Variants in CADM2 observed in about 807,000 individuals in gnomAD.
CADM2 encodes the protein immunoglobulin superfamily member 4D.
CADM2 carries 12 observed loss-of-function variants against 49.8 expected under a neutral mutation model. That is an observed-to-expected ratio of 0.24 (90% CI 0.15 to 0.39). The LOEUF (loss-of-function observed/expected upper bound fraction) is 0.39. Among genes scored for constraint, CADM2 ranks in the 10% least tolerant of loss-of-function variants. CADM2 has a pLI of 1.00. For missense variants in CADM2, 378 were observed against 492.3 expected, an observed-to-expected ratio of 0.77 and a Z score of 2.20; for synonymous variants, 214 against 175.4, an observed-to-expected ratio of 1.22 and a Z score of -1.74.
intron 1 of CADM2, among the ~76,000 whole-genome samples, chr3:85,623,449 A>G (rs912876189): frequency 3.3e-5 from 5 of 152,156 alleles, no homozygotes; most frequent in Non-Finnish European, 7.4e-5. Flanking sequence ...CAGCAGCAAT[A>G]CTAGTTAGTT....
At chr3:84,988,869 T>C (rs545142775) in intron 1 of CADM2, among the ~76,000 whole-genome samples, 1 of 152,284 alleles carries the variant, frequency 6.6e-6, no homozygotes, top group East Asian at 1.9e-4. Flanking sequence ...AATCTCTCCT[T>C]TTACTCTGCC....
At chr3:85,446,149 T>C (rs1471579481) in intron 1 of CADM2, among the ~76,000 whole-genome samples, 1 of 152,160 alleles carries the variant, frequency 6.6e-6, no homozygotes, top group Non-Finnish European at 1.5e-5. Flanking sequence ...TATTAGCTTC[T>C]TCCTTCTCTT....
At chr3:85,920,515 T>G (rs762872977) in intron 6 of CADM2, among the ~76,000 whole-genome samples, 29 of 151,824 alleles carry the variant, frequency 1.9e-4, no homozygotes, top group Admixed American at 6.6e-5. Context: ...TTTCATTATG[T>G]CAATAAAGAT....
At chr3:85,998,451 G>C (rs1210191630) in intron 8 of CADM2, among the ~76,000 whole-genome samples, 1 of 151,982 alleles carries the variant, frequency 6.6e-6, no homozygotes, top group African/African-American at 2.4e-5. Flanking sequence ...GATATGCAAA[G>C]AAAAAGGAGA....
intron 1 of CADM2, among the ~76,000 whole-genome samples, chr3:85,205,550 A>G (rs1168138267): frequency 1.3e-5 from 2 of 152,150 alleles, no homozygotes; most frequent in African/African-American, 2.4e-5. Context: ...AATAAGAGAC[A>G]CTAAAATCAA....
intron 8 of CADM2, chr3:85,994,056 T>A (rs1192917907): frequency 1.3e-5 from 2 of 152,244 alleles, no homozygotes; most frequent in African/African-American, 2.4e-5. Flanking sequence ...GGCACTGGCT[T>A]CTATTCTCTA....
chr3:85,707,393 C>CTTTTT (rs34006416), intron 1 of CADM2, among the ~76,000 whole-genome samples: 2 of 128,662 alleles, frequency 1.6e-5, no homozygotes, highest in African/African-American at 5.8e-5. Context: ...ATCATTGTAT[C>CTTTTT]TTTTTTTTTT....
chr3:85,576,982 A>T (rs1219487477), intron 1 of CADM2, among the ~76,000 whole-genome samples: 4 of 152,144 alleles, frequency 2.6e-5, no homozygotes, highest in African/African-American at 9.7e-5. Context: ...TTGTTGGCTG[A>T]CTAAAATGAC....
chr3:85,100,336 T>A (rs2107543136), intron 1 of CADM2, among the ~76,000 whole-genome samples: 1 of 152,326 alleles, frequency 6.6e-6, no homozygotes, highest in South Asian at 2.1e-4. Flanking sequence ...CAGAACATGC[T>A]TTCAAGCGTG....
At chr3:85,553,243 T>C (rs1366766163) in intron 1 of CADM2, among the ~76,000 whole-genome samples, 2 of 152,160 alleles carry the variant, frequency 1.3e-5, no homozygotes, top group African/African-American at 2.4e-5. Context: ...ATGATGATGA[T>C]GCCTGCTTAC....
At chr3:85,798,473 A>C (rs1471885426) in intron 2 of CADM2, among the ~76,000 whole-genome samples, 10 of 152,154 alleles carry the variant, frequency 6.6e-5, no homozygotes, top group Non-Finnish European at 1.5e-4. Flanking sequence ...GTCCAGTTTC[A>C]GTTTTCTGCA....
intron 1 of CADM2, among the ~76,000 whole-genome samples, chr3:84,976,147 C>T (rs188900057): frequency 1.5e-3 from 226 of 151,598 alleles, no homozygotes; most frequent in African/African-American, 5.0e-3. Context: ...TACTTTCTAG[C>T]TTTTAGTTAC....
chr3:85,117,977 G>A (rs946921369), intron 1 of CADM2, among the ~76,000 whole-genome samples: 4 of 151,984 alleles, frequency 2.6e-5, no homozygotes, highest in Non-Finnish European at 4.4e-5. Flanking sequence ...TTTCCCATGC[G>A]TCCTACATTG....
chr3:85,007,490 G>C (rs186572314), intron 1 of CADM2, among the ~76,000 whole-genome samples: 127 of 152,092 alleles, frequency 8.4e-4, no homozygotes, highest in African/African-American at 2.8e-3. Flanking sequence ...TGGTCTAGTA[G>C]GTAATAAAGG....
intron 7 of CADM2, among the ~76,000 whole-genome samples, chr3:85,945,862 C>G (rs1722613209): frequency 6.6e-6 from 1 of 152,106 alleles, no homozygotes; most frequent in South Asian, 2.1e-4. Context: ...CCTTTGAAAA[C>G]TGGCACAAGA....
At chr3:85,918,879 G>A (rs1306947150) in intron 6 of CADM2, among the ~76,000 whole-genome samples, 1 of 151,928 alleles carries the variant, frequency 6.6e-6, no homozygotes, top group African/African-American at 2.4e-5. Context: ...AGAACATATT[G>A]TATGAGTCAG....
At chr3:85,803,754 C>T (rs1559668989) in intron 3 of CADM2, among the ~76,000 whole-genome samples, 1 of 152,012 alleles carries the variant, frequency 6.6e-6, no homozygotes, top group Non-Finnish European at 1.5e-5. Context: ...CTCCTGTCCA[C>T]ATTATGGAGA....
At chr3:85,372,831 G>C (rs1423138190) in intron 1 of CADM2, among the ~76,000 whole-genome samples, 1 of 152,086 alleles carries the variant, frequency 6.6e-6, no homozygotes, top group Non-Finnish European at 1.5e-5. Context: ...GTGTGCAGGG[G>C]AATTGCCCTT....
At chr3:85,393,913 T>C (rs2034640720) in intron 1 of CADM2, among the ~76,000 whole-genome samples, 2 of 152,154 alleles carry the variant, frequency 1.3e-5, no homozygotes, top group African/African-American at 2.4e-5. Flanking sequence ...TTCACGCCAT[T>C]CTCCTGCCTC....
Sources: gnomAD v4.1 joint callset for allele counts (sites outside exome capture counted in the v4.1 genomes callset) on GRCh38, gnomAD v4.1.1 for gene constraint, MANE v1.5 for transcripts, NCBI Gene and HGNC (gene_info 2026-07-23, HGNC 2026-07-21) for gene names.